Variants in ZNF202 observed in about 807,000 individuals in gnomAD.
ZNF202 encodes the protein zinc finger protein 202.
In ZNF202, 22 loss-of-function variants were observed where a neutral mutation model predicts 54.5. The ratio of observed to expected loss-of-function variants is 0.40; its 90% CI spans 0.29 to 0.58. The LOEUF is 0.58. Ranked by LOEUF, ZNF202 falls within the 20% of genes least tolerant of loss-of-function variation. The pLI is 0.39. For synonymous variants in ZNF202, 294 were observed against 301.4 expected (o/e 0.98, Z 0.26); for missense variants, 644 against 805.5 (o/e 0.80, Z 2.43).
rs1861099131 is a variant in ZNF202, at chr11:123,725,692, C to G, written c.*305G>C. The G allele has an allele frequency of 3.2e-6, 1 of 308,178 alleles. No homozygotes were observed. The highest frequency in any genetic ancestry group is 6.0e-6 in the Non-Finnish European group (1 of 166,274). The allele number at this position is 308,178 out of a possible 1,614,324, so 19.1% of individuals were successfully genotyped here. A position where few individuals can be genotyped will look rare whatever the true frequency, so the allele number is the denominator to read the frequency against. ...GCCTATTTTTTGGACGATATAGGAA[C>G]CACGACCTCTTAAGTCTCTTAGTTC... On this transcript the variant is annotated 3_prime_UTR_variant, in exon 9 of 9. Coordinates refer to ENST00000530393, the MANE Select transcript of ZNF202 (RefSeq NM_003455.4).
intron 5 of ZNF202, 61 bp downstream of exon 5, chr11:123,729,554 A>G (rs1861310839): frequency 1.9e-6 from 2 of 1,031,184 alleles, no homozygotes; most frequent in South Asian, 3.4e-5. Context: ...AATGTCCGAG[A>G]AATGTCCCCC....
chr11:123,729,933 AC>A, intron 4 of ZNF202, 108 bp from the exon 5 acceptor site: 1 of 1,177,474 alleles, frequency 8.5e-7, no homozygotes, highest in Non-Finnish European at 1.2e-6. Context: ...TCCCAGAGGG[AC>A]CCAGACAAGG....
chr11:123,733,013 C>A (rs922624026), intron 3 of ZNF202, among the ~76,000 whole-genome samples: 1 of 152,140 alleles, frequency 6.6e-6, no homozygotes, highest in Admixed American at 6.5e-5. Flanking sequence ...GGCACTGGCA[C>A]GTAACAGGCA....
intron 6 of ZNF202, 42 bp downstream of exon 6, chr11:123,729,084 T>C (rs1565522656): frequency 6.2e-7 from 1 of 1,604,664 alleles, no homozygotes; most frequent in South Asian, 1.1e-5. Flanking sequence ...CCAGTGGTTC[T>C]TCAAACAAAT....
At chr11:123,734,790 GA>G (rs1861562533) in intron 3 of ZNF202, among the ~76,000 whole-genome samples, 1 of 152,106 alleles carries the variant, frequency 6.6e-6, no homozygotes, top group African/African-American at 2.4e-5. Context: ...TCTGTTTCCA[GA>G]AGGATAGATA....
chr11:123,729,876 G>C (rs1243707982), intron 4 of ZNF202, 51 bp from the exon 5 acceptor site: 3 of 1,526,058 alleles, frequency 2.0e-6, no homozygotes, highest in Admixed American at 4.1e-5. Context: ...GGAAGTTCTT[G>C]GTTGTCACGG....
At chr11:123,729,473 C>T in intron 5 of ZNF202, 142 bp downstream of exon 5, 1 of 1,098,496 alleles carries the variant, frequency 9.1e-7, no homozygotes. Context: ...GGTACTGTCT[C>T]CTCTTGACAT....
chr11:123,730,776 T>G lies in ZNF202; in HGVS notation c.113A>C (p.Asp38Ala). The G allele has an allele frequency of 6.2e-7, 1 of 1,614,174 alleles. No individual in the cohort carries two copies. Among genetic ancestry groups the G allele is most frequent in the Non-Finnish European group, 8.5e-7 (1 of 1,180,032 alleles). ...TCRPESVLQR[D>A]DPVLETSHQN... Reference sequence around the variant, plus strand: ...GTGGGAGGTTTCCAGCACCGGGTCATCCCTCTGTAAGACAGACTCTGGCCG... The same window carrying G: ...GTGGGAGGTTTCCAGCACCGGGTCAGCCCTCTGTAAGACAGACTCTGGCCG... Residue 38 changes from aspartate (D) to alanine (A), a missense_variant, in exon 4 of 9, where the codon GAT (aspartate) becomes GCT (alanine). Physicochemically the swap from Asp to Ala is moderately radical, Grantham distance 126. Transcript: ENST00000530393. This position sits in a 1 kb window ranked among gnomAD's most constrained non-coding sequence, Gnocchi z 6.0.
Position 123,726,362 on chromosome 11 carries a change from G to C in ZNF202, c.1582C>G (p.Gln528Glu). 3.1e-6 allele frequency: 5 copies of C among 1,614,184 alleles called. No homozygotes were observed. The highest frequency in any genetic ancestry group is 4.2e-6 in the Non-Finnish European group (5 of 1,180,040). The part of the protein sequence containing the change: ...FSQKSVLTTH[Q>E]RIHLGGKPYL... ...GGTTTGCCTCCCAGGTGGATTCTTTGGTGTGTTGTTAACACAGATTTCTGG... is the reference window on the plus strand; with the variant it reads ...GGTTTGCCTCCCAGGTGGATTCTTTCGTGTGTTGTTAACACAGATTTCTGG... The change falls in exon 9 of 9, where the codon CAA becomes GAA. Residue 528 changes from glutamine to glutamate, a missense_variant. Gln to Glu is a conservative substitution (Grantham distance 29, BLOSUM62 2). Coordinates refer to ENST00000530393, the MANE Select transcript of ZNF202 (RefSeq NM_003455.4). This position sits in a 1 kb window ranked among gnomAD's most constrained non-coding sequence, Gnocchi z 6.0.
At chr11:123,737,454 T>C (rs181089801) in intron 3 of ZNF202, among the ~76,000 whole-genome samples, 87 of 152,222 alleles carry the variant, frequency 5.7e-4, no homozygotes, top group African/African-American at 2.0e-3. Flanking sequence ...CAAAATTTGT[T>C]ACAAGAGGTT....
intron 3 of ZNF202, chr11:123,739,551 G>A (rs1293977316): frequency 2.0e-5 from 3 of 152,178 alleles, no homozygotes; most frequent in Admixed American, 6.5e-5. Flanking sequence ...CCCCTATCAA[G>A]AGAATTAAGA....
chr11:123,737,402 C>T, intron 3 of ZNF202, among the ~76,000 whole-genome samples: 1 of 152,110 alleles, frequency 6.6e-6, no homozygotes, highest in East Asian at 1.9e-4. Context: ...CCCCCCGCCC[C>T]TTCATAAAAG....
rs35939366 is a variant in ZNF202 at position 123,727,961 on chromosome 11, A to T, written c.832+172T>A. On this transcript the variant is annotated intron_variant, in intron 7 of 8. Transcript: ENST00000530393. Reference sequence around the variant, plus strand: ...TAGAGGTTTCCATTTCCATCCATTTATCTTTTACTTGAAAGGACACCATAT... The same window carrying T: ...TAGAGGTTTCCATTTCCATCCATTTTTCTTTTACTTGAAAGGACACCATAT... Among the ~76,000 whole-genome samples the T allele has an allele frequency of 4.9e-3, 751 of 152,294 alleles. 4 individuals are homozygous for T. Among genetic ancestry groups the T allele is most frequent in the African/African-American group, 0.017 (710 of 41,568 alleles).
chr11:123,735,921 G>C (rs1042780483), intron 3 of ZNF202, among the ~76,000 whole-genome samples: 1 of 152,160 alleles, frequency 6.6e-6, no homozygotes, highest in African/African-American at 2.4e-5. Flanking sequence ...GAGTTCCAGA[G>C]TAAGACAAAA....
chr11:123,725,903 G>T lies in ZNF202; in HGVS notation c.*94C>A. On this transcript the variant is annotated 3_prime_UTR_variant, in exon 9 of 9. Transcript: ENST00000530393. ...CTGAGCAGGTCAGGGAGACTCCCTC[G>T]AAAAGGTCTTCCCAGGCTGACAAGA... The T allele has an allele frequency of 6.9e-7, 1 of 1,447,268 alleles. No individual in the cohort carries two copies. The highest frequency in any genetic ancestry group is 1.4e-5 in the African/African-American group (1 of 70,430). 89.7% of individuals were successfully genotyped at this position (1,447,268 alleles called of 1,614,324 possible). A position where few individuals can be genotyped will look rare whatever the true frequency, so the allele number is the denominator to read the frequency against.
At position 123,729,651 on chromosome 11, in the gene ZNF202, G is replaced by C; in HGVS notation, c.577C>G (p.His193Asp). The C allele has an allele frequency of 6.2e-7, 1 of 1,608,578 alleles. No individual in the cohort carries two copies. The highest frequency in any genetic ancestry group is 8.5e-7 in the Non-Finnish European group (1 of 1,177,490). The change falls in exon 5 of 9, where the codon CAC becomes GAC. Residue 193 changes from histidine to aspartate, a missense_variant. This residue lies in a region of ZNF202 where 536 missense variants were observed against 635.3 expected (regional missense o/e 0.84). Transcript: ENST00000530393. ...AGGGTCTGGAGCTCCTCTTCCTGGT[G>C]TGGACGCTGCTCTGCCGGTGCCCCC... ...DLGAPAEQRP[H>D]QEEELQTLQE...
Position 123,725,560 on chromosome 11 carries a change from C to A in ZNF202, c.*437G>T. Reference sequence around the variant, plus strand: ...CAGAGCTGTGTGCTTTAAGATTTGACCCCAGTAAAGACAGAATCCTTCAGG... The same window carrying A: ...CAGAGCTGTGTGCTTTAAGATTTGAACCCAGTAAAGACAGAATCCTTCAGG... On this transcript the variant is annotated 3_prime_UTR_variant, in exon 9 of 9. Coordinates refer to ENST00000530393, the MANE Select transcript of ZNF202 (RefSeq NM_003455.4). The A allele has an allele frequency of 6.1e-6, 1 of 162,786 alleles. No homozygotes were observed. The highest frequency in any genetic ancestry group is 1.4e-5 in the Non-Finnish European group (1 of 73,694). 10.1% of individuals were successfully genotyped at this position (162,786 alleles called of 1,614,324 possible).
intron 3 of ZNF202, chr11:123,739,685 G>T (rs969181555): frequency 1.3e-5 from 2 of 152,180 alleles, no homozygotes; most frequent in African/African-American, 4.8e-5. Context: ...ATCTATAAAA[G>T]ATCAGATTAC....
chr11:123,727,644 C>T, intron 7 of ZNF202, 49 bp from the exon 8 acceptor site: 2 of 1,610,866 alleles, frequency 1.2e-6, no homozygotes, highest in East Asian at 2.2e-5. Flanking sequence ...CAACAATTCC[C>T]TGTGTTAAGA....
Sources: allele counts gnomAD v4.1 joint callset (sites outside exome capture counted in the v4.1 genomes callset), GRCh38; gene constraint gnomAD v4.1.1; regional missense constraint gnomAD v4.1.1; non-coding constraint Gnocchi (gnomAD v3.1); transcripts MANE v1.5; gene names NCBI Gene and HGNC (gene_info 2026-07-23, HGNC 2026-07-21).